DAB1: variants seen among roughly 807,000 people sequenced by gnomAD.
DAB1 encodes DAB adaptor protein 1.
DAB1 carries 15 observed loss-of-function variants against 64.6 expected under a neutral mutation model. That is an observed-to-expected ratio of 0.23 (90% CI 0.16 to 0.36). DAB1 has a LOEUF of 0.36. Ranked by LOEUF, DAB1 falls within the 10% of genes least tolerant of loss-of-function variation. The pLI is 1.00. For synonymous variants in DAB1, 235 were observed against 251.9 expected (o/e 0.93, Z 0.64); for missense variants, 596 against 706.7 (o/e 0.84, Z 1.78).
chr1:57,947,305 C>T (rs1406256168), intron 5 of DAB1, among the ~76,000 whole-genome samples: 1 of 152,064 alleles, frequency 6.6e-6, no homozygotes, highest in Non-Finnish European at 1.5e-5. Context: ...GCCCAAAATC[C>T]CCAAGGTAAA....
At chr1:57,783,382 A>G (rs1650199294) in intron 6 of DAB1, among the ~76,000 whole-genome samples, 1 of 152,106 alleles carries the variant, frequency 6.6e-6, no homozygotes, top group Non-Finnish European at 1.5e-5. Flanking sequence ...GATTATAGGC[A>G]TGTGCCACTG....
At chr1:57,675,028 T>C (rs893174757) in intron 6 of DAB1, among the ~76,000 whole-genome samples, 28 of 152,178 alleles carry the variant, frequency 1.8e-4, no homozygotes, top group Admixed American at 1.5e-3. Context: ...GAAAAGCTGA[T>C]GTAACATGCA....
chr1:57,571,135 C>CATGAAATACCTAGATGACATCTAGGT (rs1645189434), intron 7 of DAB1, among the ~76,000 whole-genome samples: 1 of 152,112 alleles, frequency 6.6e-6, no homozygotes, highest in Non-Finnish European at 1.5e-5. Flanking sequence ...GGTATATCAT[C>CATGAAATACCTAGATGACATCTAGGT]ATGTCATCAG....
chr1:57,032,521 C>T (rs1420549856), intron 9 of DAB1, among the ~76,000 whole-genome samples: 4 of 152,152 alleles, frequency 2.6e-5, no homozygotes, highest in Non-Finnish European at 5.9e-5. Flanking sequence ...TTCTGTTTTG[C>T]TTCCTATGAA....
chr1:57,728,201 G>GT lies in DAB1; in HGVS notation n.552-78537dup, dbSNP rs575467016. On this transcript the variant is annotated intron_variant and non_coding_transcript_variant, in intron 6 of 20. Coordinates refer to the DAB1 transcript ENST00000485760. Reference sequence around the variant, plus strand: ...TATCAGAAGAGATATGCATGTGCCTGTTTTTTTCTGCATTAAAACCAAAGT... The same window carrying GT: ...TATCAGAAGAGATATGCATGTGCCTGTTTTTTTTCTGCATTAAAACCAAAGT... 8.9e-4 allele frequency among the ~76,000 whole-genome samples: 135 copies of GT among 152,276 alleles called. No individual in the cohort carries two copies. In the Middle Eastern group the frequency reaches 0.02, roughly 23 times the overall value.
intron 6 of DAB1, among the ~76,000 whole-genome samples, chr1:57,792,437 C>CA (rs1455323675): frequency 6.6e-6 from 1 of 152,150 alleles, no homozygotes; most frequent in Non-Finnish European, 1.5e-5. Context: ...GCTCTTTTTC[C>CA]ACTGGGCAGA....
intron 1 of DAB1, among the ~76,000 whole-genome samples, chr1:57,417,291 G>T (rs1484072332): frequency 6.6e-6 from 1 of 152,134 alleles, no homozygotes; most frequent in Non-Finnish European, 1.5e-5. Context: ...TGTGAAAAAT[G>T]AGACTTTGGT....
chr1:58,423,261 A>G (rs1487412001), intron 3 of DAB1, among the ~76,000 whole-genome samples: 1 of 152,200 alleles, frequency 6.6e-6, no homozygotes, highest in Non-Finnish European at 1.5e-5. Flanking sequence ...ACTACATCCC[A>G]GTCTTAGACC....
intron 1 of DAB1, among the ~76,000 whole-genome samples, chr1:57,843,497 A>G (rs1653144922): frequency 6.6e-6 from 1 of 152,116 alleles, no homozygotes; most frequent in African/African-American, 2.4e-5. Context: ...TATCAAAAGC[A>G]CCTGCTATAT....
chr1:58,229,047 A>C, intron 4 of DAB1: 1 of 295,796 alleles, frequency 3.4e-6, no homozygotes, highest in Non-Finnish European at 6.6e-6. Flanking sequence ...ACTCACTGCA[A>C]CCTTGAACTC....
At chr1:57,790,102 T>G (rs144818452) in intron 6 of DAB1, among the ~76,000 whole-genome samples, 218 of 152,272 alleles carry the variant, frequency 1.4e-3, no homozygotes, top group Admixed American at 5.4e-3. Flanking sequence ...AAGAAAGTGG[T>G]AGTTGCCCCT....
chr1:57,608,682 C>T (rs1004508655), intron 7 of DAB1, among the ~76,000 whole-genome samples: 3 of 152,136 alleles, frequency 2.0e-5, no homozygotes, highest in Non-Finnish European at 2.9e-5. Flanking sequence ...TTATTATTCC[C>T]ATTACACAGA....
chr1:58,120,230 A>G (rs1415264889), intron 5 of DAB1, among the ~76,000 whole-genome samples: 8 of 152,062 alleles, frequency 5.3e-5, no homozygotes, highest in Admixed American at 5.2e-4. Flanking sequence ...ATCCCTTCAA[A>G]AGGTTTTGGG....
At chr1:58,212,486 GT>G (rs1658609030) in intron 4 of DAB1, among the ~76,000 whole-genome samples, 1 of 152,122 alleles carries the variant, frequency 6.6e-6, no homozygotes, top group South Asian at 2.1e-4. Context: ...AGGTAATTCT[GT>G]CTGAGGCCTT....
chr1:57,795,642 T>G (rs1650809311), intron 6 of DAB1, among the ~76,000 whole-genome samples: 1 of 145,114 alleles, frequency 6.9e-6, no homozygotes, highest in Non-Finnish European at 1.5e-5. Flanking sequence ...TGACTTTTTA[T>G]TTTACTTATA....
chr1:57,940,150 A>G (rs1645081551), intron 5 of DAB1, among the ~76,000 whole-genome samples: 1 of 152,196 alleles, frequency 6.6e-6, no homozygotes, highest in Non-Finnish European at 1.5e-5. Flanking sequence ...CCTTGCATAA[A>G]GTTTAGATAT....
chr1:57,401,415 C>A (rs1570454265), intron 1 of DAB1, among the ~76,000 whole-genome samples: 1 of 152,130 alleles, frequency 6.6e-6, no homozygotes, highest in East Asian at 1.9e-4. Context: ...AAGATACCTG[C>A]CCTTACAGGC....
At chr1:57,742,861 G>GT (rs1370980682) in intron 6 of DAB1, among the ~76,000 whole-genome samples, 2 of 152,190 alleles carry the variant, frequency 1.3e-5, no homozygotes, top group Admixed American at 6.5e-5. Context: ...GTGTGAAGGT[G>GT]TGGAAGTGCA....
intron 3 of DAB1, among the ~76,000 whole-genome samples, chr1:58,457,110 C>T (rs569571683): frequency 3.3e-5 from 5 of 152,258 alleles, no homozygotes; most frequent in African/African-American, 1.2e-4. Flanking sequence ...TCCATCTCCT[C>T]TCATTTTGCA....
Sources: allele counts gnomAD v4.1 joint callset (sites outside exome capture counted in the v4.1 genomes callset), GRCh38; gene constraint gnomAD v4.1.1; transcripts MANE v1.5; gene names NCBI Gene and HGNC (gene_info 2026-07-23, HGNC 2026-07-21).